PHYHIPL: variants seen among roughly 807,000 people sequenced by gnomAD.
The protein encoded by PHYHIPL is phytanoyl-CoA hydroxylase-interacting protein-like.
A neutral mutation model predicts 33.4 loss-of-function variants in PHYHIPL; 9 were observed. The ratio of observed to expected loss-of-function variants is 0.27; its 90% CI spans 0.16 to 0.47. The LOEUF (loss-of-function observed/expected upper bound fraction) is 0.47, where lower values mean the gene tolerates loss of function less well. PHYHIPL is among the 20% of genes least tolerant of loss of function. The probability of loss-of-function intolerance (pLI) is 0.99; values close to 1 mark genes in which losing one functional copy is unlikely to be tolerated. For synonymous variants in PHYHIPL, 153 were observed against 154.1 expected, an observed-to-expected ratio of 0.99 and a Z score of 0.05; for missense variants, 365 against 460.7, an observed-to-expected ratio of 0.79 and a Z score of 1.90.
chr10:59,203,565 C>T (rs1294359939), intron 1 of PHYHIPL, among the ~76,000 whole-genome samples: 1 of 152,066 alleles, frequency 6.6e-6, no homozygotes, highest in Non-Finnish European at 1.5e-5. Context: ...GGCACATATA[C>T]ACCATGGAAT....
In PHYHIPL at chr10:59,245,151, A is replaced by T. The variant is rs1418685244; in HGVS notation, c.691A>T (p.Ser231Cys). ...ISGKLEGIFF[S>C]CSTEFNTGKP... is the part of the protein sequence containing the mutation. ...TGGAAAATTAGAAGGCATCTTCTTC[A>T]GCTGCAGCACTGAATTCAATACTGG... The change falls in exon 5 of 5, where the codon AGC (serine) becomes TGC (cysteine). Residue 231 changes from serine to cysteine, a missense_variant. Coordinates refer to ENST00000373880, the MANE Select transcript of PHYHIPL (RefSeq NM_032439.4). 1 of 1,614,122 alleles carries T rather than the reference A, an allele frequency of 6.2e-7. No homozygotes were observed. The highest frequency in any genetic ancestry group is 1.7e-5 in the Admixed American group (1 of 60,022).
chr10:59,179,149 A>G (rs947145982), intron 1 of PHYHIPL, among the ~76,000 whole-genome samples: 1 of 152,158 alleles, frequency 6.6e-6, no homozygotes, highest in African/African-American at 2.4e-5. Flanking sequence ...GGGATAATTT[A>G]GGGGGAATAA....
chr10:59,217,429 T>C (rs1839649823), intron 1 of PHYHIPL, among the ~76,000 whole-genome samples: 1 of 151,942 alleles, frequency 6.6e-6, no homozygotes, highest in Admixed American at 6.6e-5. Flanking sequence ...AAGATGCAAA[T>C]TTTTGAATTT....
intron 1 of PHYHIPL, among the ~76,000 whole-genome samples, chr10:59,187,525 G>C (rs1406984603): frequency 1.3e-5 from 2 of 152,200 alleles, no homozygotes; most frequent in East Asian, 3.9e-4. Flanking sequence ...GATGGAAATA[G>C]TTTCAGAGGA....
At chr10:59,227,709 G>A (rs1444883960) in intron 1 of PHYHIPL, among the ~76,000 whole-genome samples, 1 of 152,120 alleles carries the variant, frequency 6.6e-6, no homozygotes, top group Non-Finnish European at 1.5e-5. Context: ...CACAATGGTA[G>A]AAGAAAACCT....
In PHYHIPL at chr10:59,246,813, A is replaced by G. The variant is rs1840749007; in HGVS notation, c.*1222A>G. ...TTATATCATCTTATAGTAAACCAAAAGATTAGCAATAATACTATGGACACA... is the reference window on the plus strand; with the variant it reads ...TTATATCATCTTATAGTAAACCAAAGGATTAGCAATAATACTATGGACACA... On this transcript the variant is annotated 3_prime_UTR_variant, in exon 5 of 5. Transcript: ENST00000373880. 1 of 389,622 alleles carries G rather than the reference A, an allele frequency of 2.6e-6. No individual in the cohort carries two copies. The highest frequency in any genetic ancestry group is 4.4e-5 in the Admixed American group (1 of 22,554). 24.1% of individuals were successfully genotyped at this position (389,622 alleles called of 1,614,324 possible). A position where few individuals can be genotyped will look rare whatever the true frequency, so the allele number is the denominator to read the frequency against.
intron 1 of PHYHIPL, among the ~76,000 whole-genome samples, chr10:59,182,806 G>A (rs1838447012): frequency 6.6e-6 from 1 of 152,066 alleles, no homozygotes; most frequent in African/African-American, 2.4e-5. Context: ...AACCAAAAAA[G>A]AATCATGAGG....
intron 1 of PHYHIPL, among the ~76,000 whole-genome samples, chr10:59,191,395 G>T (rs540147218): frequency 6.6e-5 from 10 of 151,822 alleles, no homozygotes; most frequent in Non-Finnish European, 1.3e-4. Context: ...ATTTGATAAG[G>T]TTTTCTCTAA....
In PHYHIPL at chr10:59,238,577, G is replaced by T. The variant is rs191931300; in HGVS notation, c.479-11G>T. 2.3e-5 allele frequency: 36 copies of T among 1,544,258 alleles called. No individual in the cohort carries two copies. The highest frequency in any genetic ancestry group is 8.2e-5 in the African/African-American group (6 of 73,146). On this transcript the variant is annotated splice_polypyrimidine_tract_variant and intron_variant, in intron 3 of 4. Transcript: ENST00000373880. ...ATATTTTTAATAACAGACTTTTTGGGTTTTTTCCAGACTATTCAAAAGTTC... is the reference window on the plus strand; with the variant it reads ...ATATTTTTAATAACAGACTTTTTGGTTTTTTTCCAGACTATTCAAAAGTTC...
intron 1 of PHYHIPL, among the ~76,000 whole-genome samples, chr10:59,179,754 A>T (rs138572650): frequency 0.021 from 3,175 of 149,624 alleles, 62 homozygotes; most frequent in South Asian, 0.037. Context: ...TTTTTTTCAT[A>T]GTTTCTAAAA....
At chr10:59,240,022 G>A (rs1246085726) in intron 4 of PHYHIPL, among the ~76,000 whole-genome samples, 1 of 152,112 alleles carries the variant, frequency 6.6e-6, no homozygotes, top group African/African-American at 2.4e-5. Context: ...AAGAACACAC[G>A]TAGGCATCTG....
At chr10:59,242,948 A>G (rs1440910004) in intron 4 of PHYHIPL, among the ~76,000 whole-genome samples, 1 of 152,186 alleles carries the variant, frequency 6.6e-6, no homozygotes, top group African/African-American at 2.4e-5. Flanking sequence ...TGTTAAAGTC[A>G]AGAAGGAAAA....
At chr10:59,218,680 T>A (rs1589282864) in intron 1 of PHYHIPL, among the ~76,000 whole-genome samples, 1 of 149,356 alleles carries the variant, frequency 6.7e-6, no homozygotes, top group African/African-American at 2.4e-5. Context: ...CATTTTTGAG[T>A]GATCTTGGTC....
At chr10:59,211,311 A>G (rs191863512) in intron 1 of PHYHIPL, among the ~76,000 whole-genome samples, 1 of 152,250 alleles carries the variant, frequency 6.6e-6, no homozygotes, top group East Asian at 1.9e-4. Context: ...CAGGACTTTG[A>G]GGCAATAGTG....
chr10:59,212,438 T>G (rs1429593604), intron 1 of PHYHIPL, among the ~76,000 whole-genome samples: 1 of 152,196 alleles, frequency 6.6e-6, no homozygotes, highest in African/African-American at 2.4e-5. Flanking sequence ...ATAAACAGAC[T>G]GTAACCCACT....
intron 1 of PHYHIPL, among the ~76,000 whole-genome samples, chr10:59,223,780 C>G (rs768225689): frequency 9.9e-5 from 15 of 152,056 alleles, no homozygotes; most frequent in Non-Finnish European, 1.6e-4. Flanking sequence ...CCACCTCAGC[C>G]TCCCAAGTAG....
chr10:59,182,557 G>A (rs1432784280), intron 1 of PHYHIPL, among the ~76,000 whole-genome samples: 1 of 152,142 alleles, frequency 6.6e-6, no homozygotes, highest in African/African-American at 2.4e-5. Context: ...TGGCCAGGCT[G>A]GTCTTGAACT....
chr10:59,238,153 A>G (rs1840282761), intron 3 of PHYHIPL, among the ~76,000 whole-genome samples: 1 of 151,980 alleles, frequency 6.6e-6, no homozygotes, highest in South Asian at 2.1e-4. Flanking sequence ...TAGAGTTTCA[A>G]GCATCTTGTG....
At chr10:59,203,776 G>A (rs1277979799) in intron 1 of PHYHIPL, among the ~76,000 whole-genome samples, 1 of 133,586 alleles carries the variant, frequency 7.5e-6, no homozygotes, top group Admixed American at 7.6e-5. Flanking sequence ...GTGGGGTGGG[G>A]GGAGGGAGGA....
Sources: gnomAD v4.1 joint callset for allele counts (sites outside exome capture counted in the v4.1 genomes callset) on GRCh38, gnomAD v4.1.1 for gene constraint, MANE v1.5 for transcripts, NCBI Gene and HGNC (gene_info 2026-07-23, HGNC 2026-07-21) for gene names.